Variants in PDE7B observed in about 807,000 individuals in gnomAD.
The protein encoded by PDE7B is 3',5'-cyclic-AMP phosphodiesterase 7B.
In PDE7B, 29 loss-of-function variants were observed where a neutral mutation model predicts 56.2. The ratio of observed to expected loss-of-function variants is 0.52; its 90% CI spans 0.38 to 0.70. The LOEUF (loss-of-function observed/expected upper bound fraction) is 0.70, where lower values mean the gene tolerates loss of function less well. Among genes scored for constraint, PDE7B ranks in the 30% least tolerant of loss-of-function variants. The probability of loss-of-function intolerance (pLI) is 0.00; values close to 1 mark genes in which losing one functional copy is unlikely to be tolerated. For synonymous variants in PDE7B, 197 were observed against 196.9 expected (o/e 1.00, Z 0.00); for missense variants, 490 against 565.0 (o/e 0.87, Z 1.35).
At chr6:135,947,363 AAGT>A (rs1774611570) in intron 1 of PDE7B, 98 bp from the exon 2 acceptor site, 1 of 924,486 alleles carries the variant, frequency 1.1e-6, no homozygotes, top group South Asian at 1.4e-5. Flanking sequence ...ATGAAAACAA[AAGT>A]AGAATAATGT....
chr6:135,876,606 C>T (rs930898338), intron 1 of PDE7B, among the ~76,000 whole-genome samples: 1 of 152,120 alleles, frequency 6.6e-6, no homozygotes. Flanking sequence ...AGCCTGTAAT[C>T]CCAGCACTTT....
intron 12 of PDE7B, among the ~76,000 whole-genome samples, chr6:136,190,100 G>A (rs781727256): frequency 9.2e-5 from 14 of 152,048 alleles, no homozygotes; most frequent in Admixed American, 3.3e-4. Context: ...TTTGCAAAGC[G>A]TCTTTTTAGA....
At chr6:136,090,093 T>C (rs1246190706) in intron 2 of PDE7B, among the ~76,000 whole-genome samples, 2 of 152,102 alleles carry the variant, frequency 1.3e-5, no homozygotes, top group East Asian at 1.9e-4. Flanking sequence ...CAAAAAGTGC[T>C]GTATTAGTGT....
chr6:136,033,855 A>G (rs1776283643), intron 2 of PDE7B, among the ~76,000 whole-genome samples: 1 of 150,190 alleles, frequency 6.7e-6, no homozygotes, highest in African/African-American at 2.5e-5. Flanking sequence ...TTTGAATTGC[A>G]TTTGTAAAAG....
intron 2 of PDE7B, among the ~76,000 whole-genome samples, chr6:136,099,355 T>A (rs1344189033): frequency 6.6e-6 from 1 of 152,200 alleles, no homozygotes; most frequent in African/African-American, 2.4e-5. Context: ...CGCCACACTG[T>A]CCTCCACAAT....
chr6:136,160,802 C>T (rs533033861), intron 8 of PDE7B, among the ~76,000 whole-genome samples: 18 of 152,266 alleles, frequency 1.2e-4, no homozygotes, highest in African/African-American at 4.1e-4. Context: ...GCTGAACTTC[C>T]AGTTTCCCAA....
intron 12 of PDE7B, among the ~76,000 whole-genome samples, chr6:136,190,317 C>G (rs144355788): frequency 6.6e-6 from 1 of 152,298 alleles, no homozygotes; most frequent in Non-Finnish European, 1.5e-5. Flanking sequence ...CTACTATGAT[C>G]TCACAATCTT....
intron 1 of PDE7B, among the ~76,000 whole-genome samples, chr6:135,883,600 A>G (rs1359064167): frequency 6.6e-6 from 1 of 152,222 alleles, no homozygotes; most frequent in Non-Finnish European, 1.5e-5. Flanking sequence ...AATGAGATCA[A>G]CAAGAAACCT....
intron 2 of PDE7B, among the ~76,000 whole-genome samples, chr6:135,994,926 T>C (rs1346927453): frequency 6.6e-6 from 1 of 152,228 alleles, no homozygotes. Flanking sequence ...GTCATAGTCA[T>C]AGGGCTCAGT....
intron 1 of PDE7B, among the ~76,000 whole-genome samples, chr6:135,926,494 G>A (rs911079411): frequency 2.0e-5 from 3 of 151,846 alleles, no homozygotes; most frequent in African/African-American, 7.3e-5. Context: ...CGGGTGGGGG[G>A]GGCTTAGCAA....
At chr6:135,956,514 C>T (rs1562451889) in intron 2 of PDE7B, among the ~76,000 whole-genome samples, 2 of 152,122 alleles carry the variant, frequency 1.3e-5, no homozygotes, top group African/African-American at 4.8e-5. Context: ...TGCAGTGGCT[C>T]ATGCCTGTAA....
rs777646665 is a variant in PDE7B at position 136,108,776 on chromosome 6, G to T, written c.128G>T (p.Arg43Leu). Residue 43 changes from arginine to leucine, a missense_variant, in exon 3 of 13, where the codon CGT becomes CTT. Transcript: ENST00000308191. ...CAGACGGGGGTTCGTGCTGAACGCC[G>T]TGGCTCCTACCCATTCATTGACTTC... The part of the protein sequence containing the change: ...RGQTGVRAER[R>L]GSYPFIDFRL... 1.2e-6 allele frequency: 2 copies of T among 1,611,418 alleles called. No individual in the cohort carries two copies. The highest frequency in any genetic ancestry group is 4.5e-5 in the East Asian group (2 of 44,856).
chr6:135,919,953 C>A (rs1378532229), intron 1 of PDE7B, among the ~76,000 whole-genome samples: 2 of 152,062 alleles, frequency 1.3e-5, no homozygotes, highest in Non-Finnish European at 2.9e-5. Flanking sequence ...TTAGCCTTCA[C>A]AAGAAATCTT....
At chr6:136,165,089 T>C (rs984347467) in intron 8 of PDE7B, among the ~76,000 whole-genome samples, 1 of 152,080 alleles carries the variant, frequency 6.6e-6, no homozygotes, top group African/African-American at 2.4e-5. Flanking sequence ...ATTCACTGAA[T>C]GAGCAGACCA....
chr6:135,908,382 C>T (rs561786459), intron 1 of PDE7B, among the ~76,000 whole-genome samples: 26 of 152,048 alleles, frequency 1.7e-4, no homozygotes, highest in South Asian at 1.7e-3. Flanking sequence ...CGTGAGACAC[C>T]GCACCCGGCC....
At chr6:135,935,145 A>C (rs1265659733) in intron 1 of PDE7B, among the ~76,000 whole-genome samples, 1 of 89,898 alleles carries the variant, frequency 1.1e-5, no homozygotes, top group Non-Finnish European at 2.0e-5. Flanking sequence ...ATATTTATAT[A>C]TAAATAAATA....
At chr6:136,188,626 G>A (rs550688931) in intron 12 of PDE7B, among the ~76,000 whole-genome samples, 33 of 152,188 alleles carry the variant, frequency 2.2e-4, no homozygotes, top group Non-Finnish European at 4.4e-4. Flanking sequence ...AAGGACTCAC[G>A]TGGTTCAGCA....
rs76440002 is a variant in PDE7B at position 136,041,040 on chromosome 6, A to G, written c.83-67691A>G. On this transcript the variant is annotated intron_variant, in intron 2 of 12. Coordinates refer to ENST00000308191, the MANE Select transcript of PDE7B (RefSeq NM_018945.4). ...AAAAACAGGAAAATTAAATGTTATA[A>G]CATTCTGTGTATATTTTGACTGCTT... Among the ~76,000 whole-genome samples, 235 of 152,298 alleles carry G rather than the reference A, an allele frequency of 1.5e-3. 1 individual carries two copies. The East Asian group carries it at 0.03, about 19-fold the overall frequency.
intron 1 of PDE7B, among the ~76,000 whole-genome samples, chr6:135,862,844 C>T (rs1775176639): frequency 6.6e-6 from 1 of 151,786 alleles, no homozygotes; most frequent in African/African-American, 2.4e-5. Flanking sequence ...TCAGCTGTCT[C>T]CCCTAGGTTT....
Sources: gnomAD v4.1 joint callset for allele counts (sites outside exome capture counted in the v4.1 genomes callset) on GRCh38, gnomAD v4.1.1 for gene constraint, MANE v1.5 for transcripts, NCBI Gene and HGNC (gene_info 2026-07-23, HGNC 2026-07-21) for gene names.